The following MOSPD2 variants were observed in gnomAD, a reference collection of about 807,000 sequenced individuals.
MOSPD2 encodes the protein motile sperm domain containing 2.
MOSPD2 carries 5 observed loss-of-function variants against 41.7 expected under a neutral mutation model. The ratio of observed to expected loss-of-function variants is 0.12; its 90% CI spans 0.06 to 0.25. The LOEUF (loss-of-function observed/expected upper bound fraction) is 0.25. Among genes scored for constraint, MOSPD2 ranks in the 10% least tolerant of loss-of-function variants. MOSPD2 has a pLI of 1.00. For missense variants in MOSPD2, 282 were observed against 375.2 expected (o/e 0.75, Z 2.05); for synonymous variants, 115 against 126.9 (o/e 0.91, Z 0.63).
chrX:14,891,182 A>G (rs2092552887), intron 2 of MOSPD2, among the ~76,000 whole-genome samples: 1 of 112,366 alleles, frequency 8.9e-6, no homozygotes, highest in Non-Finnish European at 1.9e-5. Context: ...TTGCTTTTGC[A>G]CCAACCTAAT....
intron 2 of MOSPD2, among the ~76,000 whole-genome samples, chrX:14,887,904 T>C (rs929843347): frequency 1.8e-5 from 2 of 110,683 alleles, no homozygotes; most frequent in Non-Finnish European, 3.8e-5. Flanking sequence ...TAATGGACTT[T>C]ACAATTTGTT....
chrX:14,893,127 C>A (rs776027038), intron 3 of MOSPD2: 1 of 247,794 alleles, frequency 4.0e-6, no homozygotes, highest in South Asian at 1.3e-4. Context: ...AGCAGAGTTT[C>A]CTAATCTGTG....
intron 3 of MOSPD2, among the ~76,000 whole-genome samples, chrX:14,894,111 TTCTTA>T (rs1339117534): frequency 9.0e-6 from 1 of 110,835 alleles, no homozygotes; most frequent in East Asian, 2.8e-4. Flanking sequence ...TTGTTTTCTT[TTCTTA>T]TCTTCTCTTT....
At chrX:14,886,275 A>G (rs753950159) in intron 2 of MOSPD2, among the ~76,000 whole-genome samples, 1 of 111,356 alleles carries the variant, frequency 9.0e-6, no homozygotes, top group Non-Finnish European at 1.9e-5. Context: ...GGAATAGACC[A>G]AGGTCCATTA....
At position 14,873,762 on chromosome X, in the gene MOSPD2, G is replaced by A. The variant is rs1327834609; in HGVS notation, c.79+4G>A. 2 of 1,192,039 alleles carry A rather than the reference G, an allele frequency of 1.7e-6. No individual in the cohort carries two copies. The highest frequency in any genetic ancestry group is 3.5e-5 in the African/African-American group (2 of 56,755). On this transcript the variant is annotated splice_donor_region_variant and intron_variant, in intron 2 of 14. Transcript: ENST00000380492. ...TTCGAAGCTGAGTATGTGACAGGTG[G>A]GTACTCTGTTCCAGGTATTAAGAAA...
chrX:14,878,883 C>T (rs1452680470), intron 2 of MOSPD2, among the ~76,000 whole-genome samples: 4 of 111,578 alleles, frequency 3.6e-5, no homozygotes, highest in Non-Finnish European at 7.5e-5. Context: ...CATGTGCTCA[C>T]TACTCAGCCA....
chrX:14,903,211 TC>T (rs1416164932), intron 7 of MOSPD2, among the ~76,000 whole-genome samples: 2 of 111,273 alleles, frequency 1.8e-5, no homozygotes, highest in African/African-American at 6.5e-5. Context: ...CCATTAGTCT[TC>T]TTTAAAAACA....
chrX:14,912,325 C>T lies in MOSPD2; in HGVS notation c.956C>T (p.Pro319Leu), dbSNP rs145104885. 10 of 1,172,425 alleles carry T rather than the reference C, an allele frequency of 8.5e-6. No homozygotes were observed. The highest frequency in any genetic ancestry group is 1.1e-5 in the Non-Finnish European group (10 of 877,108). Residue 319 changes from proline (P) to leucine (L), a missense_variant, in exon 10 of 15, where the codon CCA becomes CTA. This residue lies in a region of MOSPD2 where 187 missense variants were observed against 256.6 expected (regional missense o/e 0.73). Coordinates refer to ENST00000380492, the MANE Select transcript of MOSPD2 (RefSeq NM_152581.4). The part of the protein sequence containing the change: ...VDSKVKAFKK[P>L]LSVFKGPLLH... ...TCAAAAGTGAAAGCTTTCAAGAAAC[C>T]ATTGAGTGTATTTAAAGGCCCCTTA...
In MOSPD2 at chrX:14,921,466, C is replaced by T. The variant is rs2092609515; in HGVS notation, c.*1657C>T. Reference sequence around the variant, plus strand: ...CCTGTGTGTGTGCACAGTGGCTTCCCCTTACATGGTAGATTTTTGGCCTTA... The same window carrying T: ...CCTGTGTGTGTGCACAGTGGCTTCCTCTTACATGGTAGATTTTTGGCCTTA... On this transcript the variant is annotated 3_prime_UTR_variant, in exon 15 of 15. Transcript: ENST00000380492. The T allele has an allele frequency of 4.6e-5, 41 of 893,207 alleles. No individual in the cohort carries two copies. The highest frequency in any genetic ancestry group is 5.7e-5 in the Non-Finnish European group (41 of 716,961). The allele number at this position is 893,207 out of a possible 1,213,427, so 73.6% of individuals were successfully genotyped here.
At position 14,900,054 on chromosome X, in the gene MOSPD2, G is replaced by T. The variant is rs988008810; in HGVS notation, c.478-521G>T. ...AATGGAGTAGATACAGCAGGCCAATGTGATTAGATTAAGTATTGTGTTTAA... is the reference window on the plus strand; with the variant it reads ...AATGGAGTAGATACAGCAGGCCAATTTGATTAGATTAAGTATTGTGTTTAA... On this transcript the variant is annotated intron_variant, in intron 5 of 14. Transcript: ENST00000380492. Among the ~76,000 whole-genome samples the T allele has an allele frequency of 6.3e-5, 7 of 111,864 alleles. No individual in the cohort carries two copies. In the Admixed American group the frequency reaches 6.7e-4, roughly 11 times the overall value.
chrX:14,910,171 T>C (rs1289907623), intron 8 of MOSPD2, among the ~76,000 whole-genome samples: 1 of 110,496 alleles, frequency 9.1e-6, no homozygotes. Flanking sequence ...ATAATACATA[T>C]ACATGATTTT....
intron 2 of MOSPD2, 29 bp downstream of exon 2, chrX:14,873,787 A>G: frequency 8.8e-7 from 1 of 1,141,447 alleles, no homozygotes; most frequent in East Asian, 3.0e-5. Context: ...GTATTAAGAA[A>G]GGTGTGCAGT....
At chrX:14,874,455 C>T (rs781384715) in intron 2 of MOSPD2, 1 of 112,041 alleles carries the variant, frequency 8.9e-6, no homozygotes, top group South Asian at 3.7e-4. Flanking sequence ...ATGTTGCCTA[C>T]CTTAAGATTG....
At chrX:14,892,388 C>T (rs764113834) in intron 2 of MOSPD2, among the ~76,000 whole-genome samples, 1 of 111,006 alleles carries the variant, frequency 9.0e-6, no homozygotes, top group Non-Finnish European at 1.9e-5. Flanking sequence ...TCAGTTCGTG[C>T]GGGAACTAAG....
intron 13 of MOSPD2, 97 bp downstream of exon 13, chrX:14,916,423 T>C (rs887680188): frequency 1.7e-6 from 2 of 1,144,789 alleles, no homozygotes; most frequent in Non-Finnish European, 2.3e-6. Flanking sequence ...TCTTCTTGCA[T>C]CTGCTGGGTG....
chrX:14,873,700 G>A lies in MOSPD2; in HGVS notation c.21G>A (p.Gln7=). 1 of 1,211,280 alleles carries A rather than the reference G, an allele frequency of 8.3e-7. No homozygotes were observed. Among genetic ancestry groups the A allele is most frequent in the Non-Finnish European group, 1.1e-6 (1 of 894,970 alleles). The change falls in exon 2 of 15, where the codon CAG becomes CAA. Residue 7 remains glutamine (Q), a synonymous_variant. Coordinates refer to ENST00000380492, the MANE Select transcript of MOSPD2 (RefSeq NM_152581.4). ...TGTCTCCCATCCAGAATCACGCCCA[G>A]AATAAAGCCAAGCTCATCTCTGAGA... MAENHA[Q]NKAKLISETR... is the part of the protein sequence containing the mutation.
chrX:14,919,142 G>A (rs1442050678), intron 14 of MOSPD2, among the ~76,000 whole-genome samples: 1 of 111,280 alleles, frequency 9.0e-6, no homozygotes, highest in African/African-American at 3.3e-5. Flanking sequence ...GGAGGTCAAG[G>A]CTGCAGTGAA....
intron 2 of MOSPD2, among the ~76,000 whole-genome samples, chrX:14,876,607 C>G (rs1043900464): frequency 9.0e-6 from 1 of 111,546 alleles, no homozygotes; most frequent in African/African-American, 3.3e-5. Flanking sequence ...AAACGTTTCC[C>G]ATTCTTTCTT....
At chrX:14,877,587 T>G (rs932238843) in intron 2 of MOSPD2, among the ~76,000 whole-genome samples, 1 of 109,495 alleles carries the variant, frequency 9.1e-6, no homozygotes, top group African/African-American at 3.3e-5. Flanking sequence ...GGTGATCGCC[T>G]GCCTCGGCCT....
Sources: allele counts gnomAD v4.1 joint callset (sites outside exome capture counted in the v4.1 genomes callset), GRCh38; gene constraint gnomAD v4.1.1; regional missense constraint gnomAD v4.1.1; transcripts MANE v1.5; gene names NCBI Gene and HGNC (gene_info 2026-07-23, HGNC 2026-07-21).